AP2B1: variants seen among roughly 807,000 people sequenced by gnomAD.
The protein encoded by AP2B1 is adaptor related protein complex 2 subunit beta 1.
In AP2B1, 23 loss-of-function variants were observed where a neutral mutation model predicts 102.0. The observed-to-expected ratio is 0.23, with a 90% CI of 0.16 to 0.32. The LOEUF (loss-of-function observed/expected upper bound fraction) is 0.32. AP2B1 is among the 10% of genes least tolerant of loss of function. The pLI is 1.00. For missense variants in AP2B1, 541 were observed against 1,157.4 expected (o/e 0.47, Z 7.73); for synonymous variants, 381 against 421.2 (o/e 0.90, Z 1.17).
At chr17:35,701,416 C>CACAT (rs2076236597) in intron 18 of AP2B1, among the ~76,000 whole-genome samples, 1 of 152,154 alleles carries the variant, frequency 6.6e-6, no homozygotes, top group African/African-American at 2.4e-5. Flanking sequence ...CATATTAAAA[C>CACAT]ATATATGGGT....
At chr17:35,591,397 T>C (rs2073095984) in intron 1 of AP2B1, among the ~76,000 whole-genome samples, 1 of 152,088 alleles carries the variant, frequency 6.6e-6, no homozygotes, top group Non-Finnish European at 1.5e-5. Flanking sequence ...GGTCTCGATC[T>C]CCTGAGCTCA....
intron 14 of AP2B1, among the ~76,000 whole-genome samples, chr17:35,667,361 G>A (rs2075490184): frequency 1.3e-5 from 2 of 152,138 alleles, no homozygotes; most frequent in African/African-American, 4.8e-5. Flanking sequence ...GTACAATTAG[G>A]TGAACCTTTG....
intron 10 of AP2B1, among the ~76,000 whole-genome samples, chr17:35,637,297 G>A (rs2074634992): frequency 6.6e-6 from 1 of 151,852 alleles, no homozygotes; most frequent in Non-Finnish European, 1.5e-5. Flanking sequence ...TGATTCTCCT[G>A]CCTCAGCTTC....
Position 35,722,628 on chromosome 17 carries a change from C to G in AP2B1, c.2782-997C>G, listed in dbSNP as rs146141343. ...TCACTTTTGCACTATGTTAAATTGT[C>G]CTTAGTCTCTAATAAGAGAATAAAG... On this transcript the variant is annotated intron_variant, in intron 21 of 21. Transcript: ENST00000610402. Among the ~76,000 whole-genome samples the G allele has an allele frequency of 3.9e-5, 6 of 152,140 alleles. No individual in the cohort carries two copies. In the South Asian group the frequency reaches 6.2e-4, roughly 16 times the overall value.
At chr17:35,593,814 C>T (rs372689434) in intron 1 of AP2B1, among the ~76,000 whole-genome samples, 194 bp from the exon 2 acceptor site, 24 of 152,288 alleles carry the variant, frequency 1.6e-4, no homozygotes, top group African/African-American at 5.5e-4. Context: ...TAGATTTTTG[C>T]CCCATTAGCT....
chr17:35,718,783 T>C (rs782500345), intron 21 of AP2B1, among the ~76,000 whole-genome samples: 3 of 151,916 alleles, frequency 2.0e-5, no homozygotes, highest in African/African-American at 7.2e-5. Flanking sequence ...TTTTTTTCCT[T>C]TTTTTCTTTT....
chr17:35,680,707 T>G (rs1333201752), intron 17 of AP2B1, among the ~76,000 whole-genome samples: 9 of 144,382 alleles, frequency 6.2e-5, no homozygotes, highest in Non-Finnish European at 1.1e-4. Flanking sequence ...TTTGTTTTTT[T>G]TTTTTTTTTC....
intron 3 of AP2B1, among the ~76,000 whole-genome samples, chr17:35,601,542 T>A (rs1455476122): frequency 6.6e-6 from 1 of 152,198 alleles, no homozygotes; most frequent in African/African-American, 2.4e-5. Context: ...GTGTTGGGAT[T>A]ACAGGCATGA....
At chr17:35,592,638 G>A (rs1161914402) in intron 1 of AP2B1, among the ~76,000 whole-genome samples, 2 of 152,106 alleles carry the variant, frequency 1.3e-5, no homozygotes, top group Admixed American at 1.3e-4. Context: ...CGCCTCCCAG[G>A]TCCAAGCGAT....
At chr17:35,653,794 G>A (rs1424585773) in intron 13 of AP2B1, among the ~76,000 whole-genome samples, 1 of 151,988 alleles carries the variant, frequency 6.6e-6, no homozygotes, top group African/African-American at 2.4e-5. Flanking sequence ...AACAGGTTCT[G>A]AATTATCGAC....
At chr17:35,701,062 C>T (rs1283372887) in intron 18 of AP2B1, among the ~76,000 whole-genome samples, 1 of 152,166 alleles carries the variant, frequency 6.6e-6, no homozygotes, top group Admixed American at 6.5e-5. Context: ...CATTCTCTTC[C>T]TTCACTCATT....
At chr17:35,716,858 G>GTCCT (rs2076560523) in intron 20 of AP2B1, among the ~76,000 whole-genome samples, 1 of 152,196 alleles carries the variant, frequency 6.6e-6, no homozygotes, top group African/African-American at 2.4e-5. Flanking sequence ...TTCTGTCTTT[G>GTCCT]TCCTCTTCAG....
In AP2B1 at chr17:35,692,965, G is replaced by A. The variant is rs1207239896; in HGVS notation, c.2454+10141G>A. Among the ~76,000 whole-genome samples, 7 of 151,658 alleles carry A rather than the reference G, an allele frequency of 4.6e-5. No homozygotes were observed. The East Asian group carries it at 1.2e-3, about 25-fold the overall frequency. On this transcript the variant is annotated intron_variant, in intron 18 of 21. Coordinates refer to ENST00000610402, the MANE Select transcript of AP2B1 (RefSeq NM_001030006.2). ...TTCTGTCTTCATAAAACCCTGTTACGGAGTTGTTTATTTGGCGTTTTTTTA... is the reference window on the plus strand; with the variant it reads ...TTCTGTCTTCATAAAACCCTGTTACAGAGTTGTTTATTTGGCGTTTTTTTA...
chr17:35,710,428 T>TA, intron 20 of AP2B1, 108 bp downstream of exon 20: 1 of 730,456 alleles, frequency 1.4e-6, no homozygotes, highest in Non-Finnish European at 2.3e-6. Context: ...GTATCTACTA[T>TA]GTTTCTAGTG....
chr17:35,629,516 G>A (rs2074405194), intron 9 of AP2B1, among the ~76,000 whole-genome samples: 1 of 151,882 alleles, frequency 6.6e-6, no homozygotes, highest in African/African-American at 2.4e-5. Context: ...ATAGCTTCTT[G>A]AATCTCTGAG....
chr17:35,688,692 A>G (rs2075984032), intron 18 of AP2B1, among the ~76,000 whole-genome samples: 1 of 152,118 alleles, frequency 6.6e-6, no homozygotes, highest in Admixed American at 6.6e-5. Flanking sequence ...GAACAGGCAC[A>G]GTGGCTCACA....
intron 20 of AP2B1, among the ~76,000 whole-genome samples, chr17:35,714,207 T>C (rs1194719188): frequency 6.6e-6 from 1 of 152,234 alleles, no homozygotes; most frequent in East Asian, 1.9e-4. Context: ...GTTTCATTGT[T>C]TTGTTGCGGC....
At chr17:35,697,692 G>A (rs1195918305) in intron 18 of AP2B1, among the ~76,000 whole-genome samples, 3 of 152,250 alleles carry the variant, frequency 2.0e-5, no homozygotes, top group Non-Finnish European at 2.9e-5. Flanking sequence ...GCTGGGCACG[G>A]TGGCTCACGC....
chr17:35,706,051 G>A (rs769101086), intron 18 of AP2B1, among the ~76,000 whole-genome samples: 1 of 152,184 alleles, frequency 6.6e-6, no homozygotes, highest in East Asian at 1.9e-4. Flanking sequence ...CTCTGTATCT[G>A]CCGCTTCTGA....
Sources: gnomAD v4.1 joint callset for allele counts (sites outside exome capture counted in the v4.1 genomes callset) on GRCh38, gnomAD v4.1.1 for gene constraint, MANE v1.5 for transcripts, NCBI Gene and HGNC (gene_info 2026-07-23, HGNC 2026-07-21) for gene names.